Variants in KPNA4 observed in about 807,000 individuals in gnomAD.
KPNA4 encodes the protein karyopherin subunit alpha 4, also known as importin subunit alpha-3.
A neutral mutation model predicts 71.3 loss-of-function variants in KPNA4; 13 were observed. The ratio of observed to expected loss-of-function variants is 0.18; its 90% CI spans 0.12 to 0.29. The LOEUF is 0.29. Among genes scored for constraint, KPNA4 ranks in the 10% least tolerant of loss-of-function variants. The pLI is 1.00. For synonymous variants in KPNA4, 189 were observed against 195.2 expected, an observed-to-expected ratio of 0.97 and a Z score of 0.26; for missense variants, 334 against 603.2, an observed-to-expected ratio of 0.55 and a Z score of 4.67.
chr3:160,528,662 G>A (rs187033766), intron 7 of KPNA4, among the ~76,000 whole-genome samples: 7 of 152,044 alleles, frequency 4.6e-5, no homozygotes, highest in South Asian at 2.1e-4. Flanking sequence ...CACTGCACCC[G>A]GCCTGAAGTA....
rs1297402269 is a variant in KPNA4, at chr3:160,565,448, C to CCCCGCCCG, written c.-174_-167dup. 1.7e-6 allele frequency: 1 copy of CCCCGCCCG among 597,900 alleles called. No homozygotes were observed. The highest frequency in any genetic ancestry group is 2.0e-5 in the South Asian group (1 of 50,604). 37.0% of individuals were successfully genotyped at this position (597,900 alleles called of 1,614,324 possible). ...TGCCTCCGCCGCGGCCTTCTCCTCT[C>CCCCGCCCG]CCCGCCCGCCCCCCCGCCCTAACCC... is the stretch of plus-strand genomic sequence containing the variant. On this transcript the variant is annotated 5_prime_UTR_variant, in exon 1 of 17. Coordinates refer to ENST00000334256, the MANE Select transcript of KPNA4 (RefSeq NM_002268.5).
At chr3:160,560,638 C>T (rs1473259165) in intron 1 of KPNA4, among the ~76,000 whole-genome samples, 1 of 151,988 alleles carries the variant, frequency 6.6e-6, no homozygotes. Context: ...ATCTAAATCA[C>T]TCCTACAATT....
intron 13 of KPNA4, 27 bp from the exon 14 acceptor site, chr3:160,509,898 A>G (rs1721057230): frequency 6.7e-7 from 1 of 1,498,908 alleles, no homozygotes; most frequent in African/African-American, 1.4e-5. Flanking sequence ...CAAAGGCTAT[A>G]AAAATTGCCA....
chr3:160,533,070 C>G (rs1721605215), intron 5 of KPNA4, among the ~76,000 whole-genome samples: 1 of 152,182 alleles, frequency 6.6e-6, no homozygotes, highest in African/African-American at 2.4e-5. Context: ...GTCACTCAGG[C>G]TGGAGTGCAG....
intron 5 of KPNA4, 108 bp from the exon 6 acceptor site, chr3:160,531,665 AG>A: frequency 2.0e-6 from 1 of 508,160 alleles, no homozygotes; most frequent in Non-Finnish European, 3.4e-6. Flanking sequence ...ATTTGGTACA[AG>A]TGCCTTCTCT....
chr3:160,509,717 T>TA, intron 14 of KPNA4, 83 bp downstream of exon 14: 2 of 1,004,030 alleles, frequency 2.0e-6, no homozygotes, highest in Non-Finnish European at 1.6e-6. Flanking sequence ...TTTTAAATTA[T>TA]AACTTACTCA....
intron 12 of KPNA4, 54 bp from the exon 13 acceptor site, chr3:160,514,235 G>C: frequency 7.8e-7 from 1 of 1,289,930 alleles, no homozygotes; most frequent in Non-Finnish European, 1.1e-6. Context: ...ATCTGCATCT[G>C]AACTAAGTAA....
At chr3:160,525,769 C>T (rs752176335) in intron 10 of KPNA4, 31 bp downstream of exon 10, 1 of 1,414,232 alleles carries the variant, frequency 7.1e-7, no homozygotes, top group South Asian at 1.5e-5. Context: ...TACATACATA[C>T]ATAAATATAT....
rs201133763 is a variant in KPNA4 at position 160,531,236 on chromosome 3, AT to A, written c.383+225del. Among the ~76,000 whole-genome samples, 1,343 of 152,222 alleles carry A rather than the reference AT, an allele frequency of 8.8e-3. 27 individuals carry two copies. Among genetic ancestry groups the A allele is most frequent in the African/African-American group, 0.031 (1,299 of 41,536 alleles). ...TATCTGGTCAAACTAGTTCTTGCCAATTTTCAAAGCATAAAAGTTAAATTTA... is the reference window on the plus strand; with the variant it reads ...TATCTGGTCAAACTAGTTCTTGCCAATTTCAAAGCATAAAAGTTAAATTTA... On this transcript the variant is annotated intron_variant, in intron 6 of 16. Transcript: ENST00000334256.
At chr3:160,502,849 G>C (rs1720910758) in intron 16 of KPNA4, among the ~76,000 whole-genome samples, 1 of 152,220 alleles carries the variant, frequency 6.6e-6, no homozygotes, top group South Asian at 2.1e-4. Context: ...GGTGGCTCAT[G>C]CCTGTAATCC....
chr3:160,512,353 A>C (rs948689076), intron 13 of KPNA4, among the ~76,000 whole-genome samples: 38 of 152,192 alleles, frequency 2.5e-4, no homozygotes, highest in African/African-American at 8.9e-4. Flanking sequence ...GAGTATCAAA[A>C]AGAGTAACAA....
At position 160,559,805 on chromosome 3, in the gene KPNA4, A is replaced by T. The variant is rs1053322057; in HGVS notation, c.69+5409T>A. Among the ~76,000 whole-genome samples, 3 of 152,132 alleles carry T rather than the reference A, an allele frequency of 2.0e-5. No homozygotes were observed. The East Asian group carries it at 5.8e-4, about 29-fold the overall frequency. The stretch of plus-strand genomic sequence containing the variant: ...AAGACTGAATGCAGAAACAGATGAG[A>T]ATTCAGCTGTCTTAAGCCAAACATT... On this transcript the variant is annotated intron_variant, in intron 1 of 16. Transcript: ENST00000334256.
At chr3:160,563,366 G>A (rs1275447731) in intron 1 of KPNA4, among the ~76,000 whole-genome samples, 2 of 152,198 alleles carry the variant, frequency 1.3e-5, no homozygotes, top group Non-Finnish European at 2.9e-5. Context: ...CTGGTTGCCT[G>A]GGGCTGGGGT....
chr3:160,546,289 G>A (rs567207040), intron 1 of KPNA4, among the ~76,000 whole-genome samples: 65 of 152,250 alleles, frequency 4.3e-4, no homozygotes, highest in Middle Eastern at 3.4e-3. Context: ...AGGCTAAGGC[G>A]GGTGGATCAC....
chr3:160,517,854 G>C (rs956370723), intron 11 of KPNA4, among the ~76,000 whole-genome samples: 2 of 150,792 alleles, frequency 1.3e-5, no homozygotes, highest in African/African-American at 5.0e-5. Flanking sequence ...AAATATTTTA[G>C]ATGTAAATCC....
Position 160,518,213 on chromosome 3 carries a change from C to T in KPNA4, c.904-2633G>A, listed in dbSNP as rs967691660. 2.0e-3 allele frequency among the ~76,000 whole-genome samples: 306 copies of T among 151,604 alleles called. 1 individual carries two copies. Among genetic ancestry groups the T allele is most frequent in the African/African-American group, 7.0e-3 (290 of 41,372 alleles). On this transcript the variant is annotated intron_variant, in intron 11 of 16. Transcript: ENST00000334256. ...CGCGATCTCGGCTCACTGCAAGCTC[C>T]GCCTCCCGGGTTCACGCCATTCTCC...
At chr3:160,518,063 C>A (rs1044876699) in intron 11 of KPNA4, among the ~76,000 whole-genome samples, 1 of 151,472 alleles carries the variant, frequency 6.6e-6, no homozygotes, top group South Asian at 2.1e-4. Context: ...AAAATTTATG[C>A]CTGTATTTTT....
chr3:160,496,988 T>A lies in KPNA4; in HGVS notation c.*5116A>T, dbSNP rs1405352243. The A allele has an allele frequency of 3.3e-5, 5 of 152,206 alleles. No homozygotes were observed. The highest frequency in any genetic ancestry group is 7.3e-5 in the Non-Finnish European group (5 of 68,036). The allele number at this position is 152,206 out of a possible 1,614,324, so 9.4% of individuals were successfully genotyped here. A position where few individuals can be genotyped will look rare whatever the true frequency, so the allele number is the denominator to read the frequency against. ...TGGGTTAAGTGTTTAGGGAAAAAAA[T>A]GTTAAATCTACTTTTCTTATACATG... On this transcript the variant is annotated 3_prime_UTR_variant, in exon 17 of 17. Coordinates refer to ENST00000334256, the MANE Select transcript of KPNA4 (RefSeq NM_002268.5).
At chr3:160,554,064 C>T (rs955041629) in intron 1 of KPNA4, among the ~76,000 whole-genome samples, 3 of 152,094 alleles carry the variant, frequency 2.0e-5, no homozygotes, top group South Asian at 2.1e-4. Context: ...CAAATGAATT[C>T]AATACAGGGA....
Sources: gnomAD v4.1 joint callset for allele counts (sites outside exome capture counted in the v4.1 genomes callset) on GRCh38, gnomAD v4.1.1 for gene constraint, MANE v1.5 for transcripts, NCBI Gene and HGNC (gene_info 2026-07-23, HGNC 2026-07-21) for gene names.